Variants in LIPA observed in about 807,000 individuals in gnomAD.
LIPA encodes the protein lysosomal acid lipase/cholesteryl ester hydrolase.
In LIPA, 26 loss-of-function variants were observed where a neutral mutation model predicts 40.6. The ratio of observed to expected loss-of-function variants is 0.64; its 90% confidence interval spans 0.47 to 0.89. The LOEUF (loss-of-function observed/expected upper bound fraction) is 0.89, where lower values mean the gene tolerates loss of function less well. Ranked by LOEUF, LIPA falls within the 40% of genes least tolerant of loss-of-function variation. The pLI, the probability that LIPA is intolerant of heterozygous loss-of-function variation, is 0.00. For synonymous variants in LIPA, 188 were observed against 168.4 expected, an observed-to-expected ratio of 1.12 and a Z score of -0.90; for missense variants, 455 against 479.6, an observed-to-expected ratio of 0.95 and a Z score of 0.48.
chr10:89,269,046 C>T (rs1263888200), intron 1 of LIPA, among the ~76,000 whole-genome samples: 1 of 150,676 alleles, frequency 6.6e-6, no homozygotes, highest in Non-Finnish European at 1.5e-5. Context: ...TACTTAGGGC[C>T]AGGCACGGTG....
chr10:89,220,099 A>C (rs1842678263), intron 8 of LIPA, among the ~76,000 whole-genome samples: 2 of 152,358 alleles, frequency 1.3e-5, no homozygotes, highest in Middle Eastern at 3.4e-3. Context: ...CCCAAGACAC[A>C]GAAGGGTGAA....
At chr10:89,363,407 T>C in intron 2 of LIPA, 1 of 152,194 alleles carries the variant, frequency 6.6e-6, no homozygotes, top group Non-Finnish European at 1.5e-5. Context: ...TAAAAGCTGT[T>C]GCAAGAGATT....
chr10:89,393,264 C>G, intron 2 of LIPA: 1 of 1,289,748 alleles, frequency 7.8e-7, no homozygotes, highest in Non-Finnish European at 1.0e-6. Flanking sequence ...CACTGCTGGC[C>G]TCTTACAACA....
At chr10:89,385,495 CA>C (rs1564805057) in intron 2 of LIPA, among the ~76,000 whole-genome samples, 1 of 152,188 alleles carries the variant, frequency 6.6e-6, no homozygotes, top group Admixed American at 6.5e-5. Context: ...TTGGAATGAG[CA>C]GTTTTCATCC....
At chr10:89,332,835 G>A (rs1418242783) in intron 1 of LIPA, among the ~76,000 whole-genome samples, 2 of 152,168 alleles carry the variant, frequency 1.3e-5, no homozygotes, top group East Asian at 1.9e-4. Flanking sequence ...AATGGGAGCT[G>A]GGAGCTGGGA....
intron 2 of LIPA, among the ~76,000 whole-genome samples, chr10:89,354,506 T>C (rs1843979109): frequency 6.6e-6 from 1 of 152,210 alleles, no homozygotes; most frequent in African/African-American, 2.4e-5. Flanking sequence ...TCATGCCATG[T>C]AGGAGATGGA....
In LIPA at chr10:89,231,502, G is replaced by T. The variant is rs567134178; in HGVS notation, c.230-3104C>A. 2.0e-5 allele frequency among the ~76,000 whole-genome samples: 3 copies of T among 151,274 alleles called. No homozygotes were observed. In the South Asian group the frequency reaches 6.3e-4, roughly 32 times the overall value. ...ACTTTTTTTTTTTTAAGAGAGAAAA[G>T]GTCTCATTCTATCACCTAGACTGGA... On this transcript the variant is annotated intron_variant, in intron 3 of 9. Coordinates refer to ENST00000336233, the MANE Select transcript of LIPA (RefSeq NM_000235.4).
chr10:89,402,796 A>C (rs1589639694), intron 2 of LIPA: 1 of 1,614,156 alleles, frequency 6.2e-7, no homozygotes, highest in Non-Finnish European at 8.5e-7. Flanking sequence ...GACCCTGAAA[A>C]CCCTGAATCC....
chr10:89,254,049 T>G (rs1381993998), upstream of LIPA, among the ~76,000 whole-genome samples: 2 of 152,216 alleles, frequency 1.3e-5, no homozygotes, highest in Non-Finnish European at 2.9e-5. Flanking sequence ...GTCTGTAGCT[T>G]TCCCAGGTGC....
upstream of LIPA, among the ~76,000 whole-genome samples, chr10:89,347,208 C>G (rs999658587): frequency 6.6e-6 from 1 of 152,134 alleles, no homozygotes; most frequent in African/African-American, 2.4e-5. Context: ...CCAAGAGGGC[C>G]GGTAGAGTCA....
chr10:89,233,365 T>C (rs974775141), intron 3 of LIPA, among the ~76,000 whole-genome samples: 4 of 152,212 alleles, frequency 2.6e-5, no homozygotes, highest in Non-Finnish European at 5.9e-5. Context: ...TGAAGAAAGG[T>C]AAACGTCTGA....
At chr10:89,339,839 A>T (rs766155390) in intron 1 of LIPA, 1 of 1,614,206 alleles carries the variant, frequency 6.2e-7, no homozygotes, top group African/African-American at 1.3e-5. Context: ...TCAACTGACA[A>T]GGAAGAGATC....
At chr10:89,403,198 G>A in intron 2 of LIPA, 1 of 1,614,076 alleles carries the variant, frequency 6.2e-7, no homozygotes, top group Non-Finnish European at 8.5e-7. Context: ...GCTACAAAAG[G>A]GCAGCCTAGA....
chr10:89,280,319 G>T (rs932439114), intron 1 of LIPA, among the ~76,000 whole-genome samples: 4 of 152,288 alleles, frequency 2.6e-5, no homozygotes, highest in Non-Finnish European at 4.4e-5. Context: ...ACAAAAGGAA[G>T]AATCTCCCTC....
At chr10:89,342,054 C>T (rs1432798321) in intron 1 of LIPA, among the ~76,000 whole-genome samples, 1 of 152,058 alleles carries the variant, frequency 6.6e-6, no homozygotes, top group East Asian at 1.9e-4. Flanking sequence ...TGCTATACAC[C>T]ATAAATATAT....
intron 1 of LIPA, chr10:89,309,357 C>CA (rs1216274468): frequency 1.3e-5 from 2 of 152,138 alleles, no homozygotes; most frequent in African/African-American, 4.8e-5. Context: ...CAAGAAGGCC[C>CA]AAAATCTCTA....
Position 89,214,978 on chromosome 10 carries a change from G to A in LIPA, c.1050C>T (p.Val350=), listed in dbSNP as rs1249046123. ...GAGTCAGTAAGATATTGACGTCGTA[G>A]ACATCTGCAAGCCAGTCGTGACCCC... ...WSGGHDWLAD[V]YDVNILLTQI... is the part of the protein sequence containing the mutation. Residue 350 remains valine (V), a synonymous_variant, in exon 10 of 10, where the codon GTC becomes GTT. Transcript: ENST00000336233. 1.9e-6 allele frequency: 3 copies of A among 1,614,016 alleles called. No individual in the cohort carries two copies. The highest frequency in any genetic ancestry group is 2.5e-6 in the Non-Finnish European group (3 of 1,179,992).
chr10:89,295,298 A>G lies in LIPA; in HGVS notation c.-2+47313T>C, dbSNP rs188703265. Among the ~76,000 whole-genome samples the G allele has an allele frequency of 5.0e-3, 755 of 152,346 alleles. 4 individuals carry two copies. Among genetic ancestry groups the G allele is most frequent in the Non-Finnish European group, 8.0e-3 (541 of 68,034 alleles). On this transcript the variant is annotated intron_variant, in intron 1 of 5. Transcript: ENST00000282673. ...CTAACAAGTGCGAATACTATTGAAC[A>G]GTCACCAGCTCTTCTAGGTGGACAA...
At chr10:89,315,801 G>C (rs1843538378) in intron 1 of LIPA, among the ~76,000 whole-genome samples, 1 of 152,240 alleles carries the variant, frequency 6.6e-6, no homozygotes, top group Middle Eastern at 3.4e-3. Flanking sequence ...GGAAATTCTG[G>C]CTCAATGATA....
Sources: allele counts gnomAD v4.1 joint callset (sites outside exome capture counted in the v4.1 genomes callset), GRCh38; gene constraint gnomAD v4.1.1; transcripts MANE v1.5; gene names NCBI Gene and HGNC (gene_info 2026-07-23, HGNC 2026-07-21).